The following EXOC4 variants were observed in gnomAD, a reference collection of about 807,000 sequenced individuals.
The protein encoded by EXOC4 is exocyst complex component 4.
In EXOC4, 71 loss-of-function variants were observed where a neutral mutation model predicts 107.2. The ratio of observed to expected loss-of-function variants is 0.66; its 90% CI spans 0.55 to 0.81. The LOEUF (loss-of-function observed/expected upper bound fraction) is 0.81, where lower values mean the gene tolerates loss of function less well. Among genes scored for constraint, EXOC4 ranks in the 30% least tolerant of loss-of-function variants. The pLI, the probability that EXOC4 is intolerant of heterozygous loss-of-function variation, is 0.00. For missense variants in EXOC4, 1,108 were observed against 1,189.6 expected (o/e 0.93, Z 1.01); for synonymous variants, 456 against 441.2 (o/e 1.03, Z -0.42).
At chr7:133,490,417 G>A (rs1799350032) in intron 9 of EXOC4, among the ~76,000 whole-genome samples, 1 of 152,152 alleles carries the variant, frequency 6.6e-6, no homozygotes, top group African/African-American at 2.4e-5. Flanking sequence ...AGGCAGGGAG[G>A]CATCTATAAG....
intron 11 of EXOC4, among the ~76,000 whole-genome samples, chr7:133,847,382 A>ATT (rs869133121): frequency 1.9e-5 from 1 of 53,078 alleles, no homozygotes. Flanking sequence ...TATTTTTTTA[A>ATT]TTTTTTTTTT....
chr7:133,933,002 G>C (rs772841009), intron 13 of EXOC4, among the ~76,000 whole-genome samples: 6 of 151,832 alleles, frequency 4.0e-5, no homozygotes, highest in Non-Finnish European at 8.8e-5. Context: ...GAAACCTTTT[G>C]TAATGTTTCG....
intron 12 of EXOC4, among the ~76,000 whole-genome samples, chr7:133,898,093 T>G (rs1733719559): frequency 6.8e-6 from 1 of 146,848 alleles, no homozygotes; most frequent in Non-Finnish European, 1.5e-5. Flanking sequence ...AGTCCCCATA[T>G]AAGTGAAATC....
intron 10 of EXOC4, among the ~76,000 whole-genome samples, chr7:133,719,514 TC>T (rs1795064210): frequency 6.6e-6 from 1 of 151,616 alleles, no homozygotes; most frequent in Non-Finnish European, 1.5e-5. Flanking sequence ...AACTTCGACT[TC>T]CATCTAGTCT....
chr7:133,490,729 A>G (rs916130394), intron 9 of EXOC4, among the ~76,000 whole-genome samples: 2 of 152,202 alleles, frequency 1.3e-5, no homozygotes, highest in African/African-American at 4.8e-5. Context: ...GAGATTAAGA[A>G]TTGATAAGAA....
chr7:133,982,467 G>A (rs1379667553), intron 14 of EXOC4, among the ~76,000 whole-genome samples: 1 of 152,122 alleles, frequency 6.6e-6, no homozygotes, highest in East Asian at 1.9e-4. Flanking sequence ...CAGGAGAACG[G>A]CATGAACCCG....
intron 12 of EXOC4, among the ~76,000 whole-genome samples, chr7:133,915,277 A>C (rs1224469808): frequency 6.6e-6 from 1 of 152,128 alleles, no homozygotes; most frequent in Non-Finnish European, 1.5e-5. Flanking sequence ...TTTTTAAAAT[A>C]ACAGAGGATT....
chr7:133,387,482 A>G (rs1279611388), intron 7 of EXOC4, among the ~76,000 whole-genome samples: 1 of 152,142 alleles, frequency 6.6e-6, no homozygotes, highest in African/African-American at 2.4e-5. Context: ...GATAATTCCT[A>G]TTTCTGACTT....
chr7:133,707,736 C>T (rs1794799749), intron 10 of EXOC4, among the ~76,000 whole-genome samples: 1 of 152,118 alleles, frequency 6.6e-6, no homozygotes, highest in South Asian at 2.1e-4. Context: ...TTGCCTCAGC[C>T]TCCTGAGTAG....
intron 10 of EXOC4, among the ~76,000 whole-genome samples, chr7:133,713,059 A>G (rs920302052): frequency 2.6e-5 from 4 of 152,226 alleles, no homozygotes; most frequent in Non-Finnish European, 5.9e-5. Context: ...TATTTATTGT[A>G]CTAGGTGCCC....
At chr7:133,292,347 A>C (rs1287664163) in intron 3 of EXOC4, among the ~76,000 whole-genome samples, 1 of 152,150 alleles carries the variant, frequency 6.6e-6, no homozygotes, top group Non-Finnish European at 1.5e-5. Context: ...TATTCCTTTC[A>C]TTTATTAAAA....
At chr7:133,526,824 T>C (rs191237011) in intron 9 of EXOC4, among the ~76,000 whole-genome samples, 16 of 151,780 alleles carry the variant, frequency 1.1e-4, no homozygotes, top group Admixed American at 1.0e-3. Flanking sequence ...ACAAAAAAAT[T>C]AGCTGGGCAT....
At chr7:133,417,839 T>C (rs1797514531) in intron 7 of EXOC4, among the ~76,000 whole-genome samples, 1 of 152,180 alleles carries the variant, frequency 6.6e-6, no homozygotes, top group Non-Finnish European at 1.5e-5. Flanking sequence ...GTGTTAAATT[T>C]ATTTGTAGAC....
intron 7 of EXOC4, among the ~76,000 whole-genome samples, chr7:133,387,280 G>A (rs1330071810): frequency 6.6e-6 from 1 of 152,148 alleles, no homozygotes; most frequent in East Asian, 1.9e-4. Flanking sequence ...GTCATGTTTA[G>A]GAGAGTGTTT....
At chr7:133,529,165 A>C (rs1205303582) in intron 9 of EXOC4, among the ~76,000 whole-genome samples, 1 of 152,150 alleles carries the variant, frequency 6.6e-6, no homozygotes, top group Non-Finnish European at 1.5e-5. Context: ...TGATGTGTAC[A>C]GTTTATGCCA....
intron 9 of EXOC4, among the ~76,000 whole-genome samples, chr7:133,599,372 C>G (rs1801754238): frequency 6.6e-6 from 1 of 152,168 alleles, no homozygotes; most frequent in Non-Finnish European, 1.5e-5. Flanking sequence ...TCATAATGTC[C>G]TTGCTGAATG....
At chr7:133,352,267 T>C (rs1377974871) in intron 5 of EXOC4, among the ~76,000 whole-genome samples, 2 of 151,966 alleles carry the variant, frequency 1.3e-5, no homozygotes, top group African/African-American at 4.8e-5. Context: ...GAGTAGGGTA[T>C]TGAAGTCTTC....
At chr7:133,825,346 T>C (rs3940398) in intron 11 of EXOC4, among the ~76,000 whole-genome samples, 6,151 of 152,090 alleles carry the variant, frequency 0.04, 434 homozygotes, top group African/African-American at 0.14. Flanking sequence ...GCCTGAATGA[T>C]AGAGTGAGAC....
intron 11 of EXOC4, among the ~76,000 whole-genome samples, chr7:133,875,267 C>CT (rs1260036711): frequency 9.2e-5 from 14 of 152,154 alleles, no homozygotes; most frequent in Admixed American, 8.5e-4. Context: ...TGCAAGTACT[C>CT]TGAGTTCTGA....
Sources: allele counts gnomAD v4.1 joint callset (sites outside exome capture counted in the v4.1 genomes callset), GRCh38; gene constraint gnomAD v4.1.1; transcripts MANE v1.5; gene names NCBI Gene and HGNC (gene_info 2026-07-23, HGNC 2026-07-21).